The following RABGAP1L variants were observed in gnomAD, a reference collection of about 807,000 sequenced individuals.
RABGAP1L encodes rab GTPase-activating protein 1-like.
RABGAP1L carries 63 observed loss-of-function variants against 137.7 expected under a neutral mutation model. The ratio of observed to expected loss-of-function variants is 0.46; its 90% CI spans 0.37 to 0.56. The LOEUF is 0.56. Among genes scored for constraint, RABGAP1L ranks in the 20% least tolerant of loss-of-function variants. The pLI is 0.00. For missense variants in RABGAP1L, 1,095 were observed against 1,244.0 expected, an observed-to-expected ratio of 0.88 and a Z score of 1.80; for synonymous variants, 431 against 433.7, an observed-to-expected ratio of 0.99 and a Z score of 0.08.
chr1:174,751,532 C>T (rs1378679361), intron 17 of RABGAP1L, among the ~76,000 whole-genome samples: 1 of 152,174 alleles, frequency 6.6e-6, no homozygotes, highest in East Asian at 1.9e-4. Context: ...GGAAACAGCA[C>T]ATTTTGTAGC....
At chr1:174,904,240 C>G (rs981087772) in intron 19 of RABGAP1L, among the ~76,000 whole-genome samples, 19 of 152,044 alleles carry the variant, frequency 1.2e-4, no homozygotes, top group African/African-American at 4.1e-4. Flanking sequence ...GGTGTGGTGG[C>G]TCATGCCTAT....
chr1:174,905,169 C>A (rs903435874), intron 19 of RABGAP1L, among the ~76,000 whole-genome samples: 1 of 152,130 alleles, frequency 6.6e-6, no homozygotes. Flanking sequence ...CAAAACAAGC[C>A]AGACAGAAAA....
At chr1:174,217,395 G>A (rs766010169) in intron 1 of RABGAP1L, among the ~76,000 whole-genome samples, 2 of 152,128 alleles carry the variant, frequency 1.3e-5, no homozygotes, top group Non-Finnish European at 2.9e-5. Context: ...TGGTATTTTC[G>A]TCCATGACAA....
intron 14 of RABGAP1L, among the ~76,000 whole-genome samples, chr1:174,678,761 G>T (rs1677833563): frequency 6.6e-6 from 1 of 152,168 alleles, no homozygotes; most frequent in African/African-American, 2.4e-5. Flanking sequence ...GATTGTTATA[G>T]CTCTATTCAG....
chr1:174,172,166 T>C (rs1250789450), intron 1 of RABGAP1L, among the ~76,000 whole-genome samples: 1 of 141,518 alleles, frequency 7.1e-6, no homozygotes, highest in Non-Finnish European at 1.5e-5. Context: ...TAAGGCTGAA[T>C]AATATTCCCT....
intron 13 of RABGAP1L, among the ~76,000 whole-genome samples, chr1:174,465,707 G>T (rs1269469998): frequency 6.6e-6 from 1 of 152,344 alleles, no homozygotes. Flanking sequence ...GGATGGAGAA[G>T]TGATAGAGAT....
intron 19 of RABGAP1L, among the ~76,000 whole-genome samples, chr1:174,877,809 T>C (rs1018447220): frequency 6.6e-6 from 1 of 152,212 alleles, no homozygotes; most frequent in Non-Finnish European, 1.5e-5. Context: ...ATAATGAGGT[T>C]GAGAGGAATT....
rs1366041753 is a variant in RABGAP1L, at chr1:174,430,629, C to G, written c.1710+36484C>G. ...AGCAAGTTAGAAGAGCAGAAAAATC[C>G]AAATTTCACACAAACCTAATAGTTA... On this transcript the variant is annotated intron_variant, in intron 13 of 25. Transcript: ENST00000681986. Among the ~76,000 whole-genome samples, 5 of 152,058 alleles carry G rather than the reference C, an allele frequency of 3.3e-5. No homozygotes were observed. The East Asian group carries it at 9.6e-4, about 29-fold the overall frequency.
At chr1:174,332,270 A>G (rs191818859) in intron 11 of RABGAP1L, among the ~76,000 whole-genome samples, 1 of 152,304 alleles carries the variant, frequency 6.6e-6, no homozygotes, top group Admixed American at 6.5e-5. Flanking sequence ...ACAATCTAAT[A>G]AAGTACATCT....
chr1:174,547,723 C>A, intron 13 of RABGAP1L: 1 of 878,110 alleles, frequency 1.1e-6, no homozygotes. Flanking sequence ...GGGAATTTAT[C>A]TGCAAAGTTT....
At chr1:174,486,258 C>T (rs1398846106) in intron 13 of RABGAP1L, among the ~76,000 whole-genome samples, 2 of 104,856 alleles carry the variant, frequency 1.9e-5, no homozygotes, top group Non-Finnish European at 2.1e-5. Context: ...AAATGTTTGT[C>T]AATTTTGTTT....
At chr1:174,316,446 G>A (rs1438442742) in intron 11 of RABGAP1L, among the ~76,000 whole-genome samples, 2 of 152,168 alleles carry the variant, frequency 1.3e-5, no homozygotes, top group African/African-American at 2.4e-5. Context: ...TACTTTAGGG[G>A]CAAGCTCCTC....
At chr1:174,538,066 C>A (rs1427975495) in intron 13 of RABGAP1L, among the ~76,000 whole-genome samples, 1 of 152,148 alleles carries the variant, frequency 6.6e-6, no homozygotes, top group Non-Finnish European at 1.5e-5. Context: ...TACAATCTGC[C>A]CTGAACCTCC....
At position 174,514,200 on chromosome 1, in the gene RABGAP1L, T is replaced by A. The variant is rs1040687373; in HGVS notation, c.1710+120055T>A. Among the ~76,000 whole-genome samples, 6 of 149,776 alleles carry A rather than the reference T, an allele frequency of 4.0e-5. No homozygotes were observed. In the Admixed American group the frequency reaches 4.0e-4, roughly 10 times the overall value. On this transcript the variant is annotated intron_variant, in intron 13 of 25. Coordinates refer to ENST00000681986, the MANE Select transcript of RABGAP1L (RefSeq NM_001366446.1). Reference sequence around the variant, plus strand: ...ACAACAATGGAATCATGGGCTGTTTTGTGATACTGGATTTTTAAATCATGA... The same window carrying A: ...ACAACAATGGAATCATGGGCTGTTTAGTGATACTGGATTTTTAAATCATGA...
In RABGAP1L at chr1:174,761,640, G is replaced by A. The variant is rs1035827314; in HGVS notation, c.2211+9286G>A. ...CTCACTTCCCAGACGGAGACAGTGT[G>A]GGGGCCGGACAAGGGCCGAACAGAG... On this transcript the variant is annotated intron_variant, in intron 18 of 25. Transcript: ENST00000681986. The surrounding 1 kb of genome is among the most constrained non-coding windows in gnomAD (Gnocchi z 4.0). Among the ~76,000 whole-genome samples the A allele has an allele frequency of 2.6e-5, 4 of 152,156 alleles. No homozygotes were observed. The highest frequency in any genetic ancestry group is 7.2e-5 in the African/African-American group (3 of 41,434).
chr1:174,944,448 A>G (rs967692159), intron 19 of RABGAP1L, among the ~76,000 whole-genome samples: 3 of 151,968 alleles, frequency 2.0e-5, no homozygotes, highest in East Asian at 1.9e-4. Context: ...GTTCAAGACC[A>G]GCTGGGGCAA....
At position 174,953,171 on chromosome 1, in the gene RABGAP1L, G is replaced by A. The variant is rs1033416909; in HGVS notation, c.2341-4286G>A. Among the ~76,000 whole-genome samples, 8 of 152,148 alleles carry A rather than the reference G, an allele frequency of 5.3e-5. No homozygotes were observed. The South Asian group carries it at 1.4e-3, about 28-fold the overall frequency. On this transcript the variant is annotated intron_variant, in intron 19 of 25. Transcript: ENST00000681986. ...GATTAGTGAGATGAACATTATTAAG[G>A]CAAATTCTTCCGATAATTATTGTTA... is the stretch of plus-strand genomic sequence containing the variant.
chr1:174,915,785 T>C (rs1017588604), intron 19 of RABGAP1L, among the ~76,000 whole-genome samples: 1 of 152,162 alleles, frequency 6.6e-6, no homozygotes, highest in Non-Finnish European at 1.5e-5. Context: ...GTTATTTGTC[T>C]TCCTATTGAG....
intron 17 of RABGAP1L, among the ~76,000 whole-genome samples, chr1:174,722,497 T>G (rs1279428527): frequency 6.6e-6 from 1 of 152,090 alleles, no homozygotes; most frequent in Non-Finnish European, 1.5e-5. Flanking sequence ...TTGCCCAGGC[T>G]GGAGTGCAGT....
Sources: gnomAD v4.1 joint callset for allele counts (sites outside exome capture counted in the v4.1 genomes callset) on GRCh38, gnomAD v4.1.1 for gene constraint, Gnocchi (gnomAD v3.1) non-coding constraint, MANE v1.5 for transcripts, NCBI Gene and HGNC (gene_info 2026-07-23, HGNC 2026-07-21) for gene names.